The following ZAN variants were observed in gnomAD, a reference collection of about 807,000 sequenced individuals.
ZAN encodes zonadhesin (gene/pseudogene).
A neutral mutation model predicts 286.2 loss-of-function variants in ZAN; 260 were observed. That is an observed-to-expected ratio of 0.91 (90% confidence interval 0.82 to 1.01). The LOEUF is 1.01. Ranked by LOEUF, ZAN falls within the 50% of genes least tolerant of loss-of-function variation. The pLI is 0.00. For synonymous variants in ZAN, 1,368 were observed against 1,417.5 expected, an observed-to-expected ratio of 0.97 and a Z score of 0.79; for missense variants, 3,410 against 3,639.2, an observed-to-expected ratio of 0.94 and a Z score of 1.62.
chr7:100,768,094 G>T, intron 26 of ZAN, 83 bp downstream of exon 26: 3 of 1,478,370 alleles, frequency 2.0e-6, no homozygotes, highest in Non-Finnish European at 2.7e-6. Context: ...ACATCTCTGT[G>T]AGGTGTTCTA....
At position 100,797,740 on chromosome 7, in the gene ZAN, A is replaced by T. The variant is rs753075376; in HGVS notation, c.*8A>T. The T allele has an allele frequency of 1.9e-6, 3 of 1,613,862 alleles. No homozygotes were observed. The highest frequency in any genetic ancestry group is 2.5e-6 in the Non-Finnish European group (3 of 1,179,886). On this transcript the variant is annotated 3_prime_UTR_variant, in exon 48 of 48. Coordinates refer to ENST00000613979, the MANE Select transcript of ZAN (RefSeq NM_003386.3). The stretch of plus-strand genomic sequence containing the variant: ...CTGGACTGTGCCTGTTAAGTTGCTC[A>T]GTTTTGAGCTGTCTTCAGACAAGAA...
At chr7:100,767,666 A>C (rs1810086685) in intron 25 of ZAN, among the ~76,000 whole-genome samples, 165 bp from the exon 26 acceptor site, 1 of 150,008 alleles carries the variant, frequency 6.7e-6, no homozygotes, top group Non-Finnish European at 1.5e-5. Context: ...TTTTGTAGAG[A>C]CGGGCTTTCT....
At position 100,773,371 on chromosome 7, in the gene ZAN, T is replaced by C. The variant is rs974623507; in HGVS notation, c.5512T>C (p.Cys1838Arg). 3 of 1,613,892 alleles carry C rather than the reference T, an allele frequency of 1.9e-6. No individual in the cohort carries two copies. The African/African-American group carries it at 4.0e-5, about 22-fold the overall frequency. ...CAGCAGCATAAACAACCCGAGGGAC[T>C]GCCCCAAAGCACTGCCCTGTGCTGA... Reference protein sequence around the residue: ...TCSSINNPRDCPKALPCAESC... With the variant: ...TCSSINNPRDRPKALPCAESC... The change falls in exon 30 of 48, where the codon TGC (cysteine) becomes CGC (arginine). Residue 1838 changes from cysteine to arginine, a missense_variant. Cys to Arg is a radical substitution (Grantham distance 180, BLOSUM62 -3). Around this residue, in one of 7 missense-constraint regions of ZAN, gnomAD observed 1,289 missense variants for 1,314.3 expected, o/e 0.98. Transcript: ENST00000613979.
intron 45 of ZAN, among the ~76,000 whole-genome samples, chr7:100,796,613 G>T (rs551901584): frequency 6.6e-6 from 1 of 151,880 alleles, no homozygotes; most frequent in Non-Finnish European, 1.5e-5. Context: ...ATGGGGTTTC[G>T]CCATGTTGGC....
Position 100,748,382 on chromosome 7 carries a change from G to T in ZAN, c.1161G>T (p.Gln387His), listed in dbSNP as rs1235893562. The change falls in exon 11 of 48, where the codon CAG (glutamine) becomes CAT (histidine). Residue 387 changes from glutamine (Q) to histidine (H), a missense_variant. Gln to His is a conservative substitution (Grantham distance 24). Around this residue, in one of 7 missense-constraint regions of ZAN, gnomAD observed 872 missense variants for 938.9 expected, o/e 0.93. Coordinates refer to ENST00000613979, the MANE Select transcript of ZAN (RefSeq NM_003386.3). Reference protein sequence around the residue: ...DNAHPFCDWVQTSGDGGHWAL... With the variant: ...DNAHPFCDWVHTSGDGGHWAL... ...CCCATCCCTTCTGTGACTGGGTCCA[G>T]ACTTCCGGGGATGGTGGACACTGGG... The T allele has an allele frequency of 6.2e-7, 1 of 1,613,904 alleles. No individual in the cohort carries two copies. The highest frequency in any genetic ancestry group is 8.5e-7 in the Non-Finnish European group (1 of 1,179,914).
intron 42 of ZAN, 114 bp downstream of exon 42, chr7:100,792,593 C>T (rs770625598): frequency 2.6e-6 from 4 of 1,538,030 alleles, no homozygotes; most frequent in Non-Finnish European, 2.6e-6. Flanking sequence ...CTGCCGTCCA[C>T]CTCTGCTGAA....
chr7:100,761,740 C>T (rs947992622), intron 19 of ZAN, among the ~76,000 whole-genome samples: 9 of 151,916 alleles, frequency 5.9e-5, no homozygotes, highest in Non-Finnish European at 1.0e-4. Context: ...AGTTTGAGAC[C>T]AGCCTGGCCA....
intron 23 of ZAN, among the ~76,000 whole-genome samples, chr7:100,766,143 C>T (rs1420289885): frequency 3.3e-5 from 5 of 152,006 alleles, no homozygotes; most frequent in Admixed American, 6.6e-5. Context: ...TGCACTACCA[C>T]GCCAGGCTAA....
chr7:100,760,633 A>T, intron 19 of ZAN, 97 bp downstream of exon 19: 1 of 1,502,120 alleles, frequency 6.7e-7, no homozygotes, highest in Non-Finnish European at 9.0e-7. Flanking sequence ...CTCCCCTTCC[A>T]TCCCTGGCAC....
intron 40 of ZAN, among the ~76,000 whole-genome samples, 157 bp from the exon 41 acceptor site, chr7:100,791,809 T>C (rs1234820241): frequency 1.3e-5 from 2 of 151,502 alleles, no homozygotes; most frequent in East Asian, 3.9e-4. Context: ...CTCACTGCAG[T>C]TTCCACCTCC....
At chr7:100,787,190 AG>A (rs1237407357) in intron 37 of ZAN, among the ~76,000 whole-genome samples, 1 of 151,574 alleles carries the variant, frequency 6.6e-6, no homozygotes, top group African/African-American at 2.4e-5. Flanking sequence ...GGACTTTGGG[AG>A]GCCAAGGTGG....
intron 35 of ZAN, among the ~76,000 whole-genome samples, chr7:100,782,683 G>T (rs111737742): frequency 0.063 from 2,889 of 45,962 alleles, 52 homozygotes; most frequent in East Asian, 0.33. Flanking sequence ...GGTTTTTTTT[G>T]TGTGTGTGTG....
chr7:100,789,187 C>A (rs777825904), intron 38 of ZAN, 31 bp from the exon 39 acceptor site: 3 of 1,606,156 alleles, frequency 1.9e-6, no homozygotes, highest in African/African-American at 1.3e-5. Context: ...AGGATTCAGC[C>A]CTGTCTGTGG....
chr7:100,759,639 GCGGC>G, intron 17 of ZAN, 78 bp from the exon 18 acceptor site: 1 of 1,364,278 alleles, frequency 7.3e-7, no homozygotes, highest in Non-Finnish European at 9.5e-7. Flanking sequence ...ATCTCTCCCT[GCGGC>G]GCCAGGCTCA....
At position 100,797,796 on chromosome 7, in the gene ZAN, G is replaced by T; in HGVS notation, c.*64G>T. The T allele has an allele frequency of 6.4e-7, 1 of 1,566,156 alleles. No homozygotes were observed. The highest frequency in any genetic ancestry group is 1.2e-5 in the South Asian group (1 of 86,952). On this transcript the variant is annotated 3_prime_UTR_variant, in exon 48 of 48. Transcript: ENST00000613979. ...AATAAATTTATATATTTATTTATTTGAGACAGGGTCTTGCTCTGTCGCCAG... is the reference window on the plus strand; with the variant it reads ...AATAAATTTATATATTTATTTATTTTAGACAGGGTCTTGCTCTGTCGCCAG...
intron 20 of ZAN, among the ~76,000 whole-genome samples, chr7:100,762,940 G>A (rs1043838521): frequency 6.6e-6 from 1 of 151,358 alleles, no homozygotes; most frequent in African/African-American, 2.4e-5. Context: ...CACCAGATGG[G>A]GGGTTGACCA....
In ZAN at chr7:100,772,128, C is replaced by A. The variant is rs147867630; in HGVS notation, c.5425+108C>A. ...TTTTTTTTTGAGACGGAGTCTCACT[C>A]TGTTGCCCAGGCTGGAGTGCAGTGG... On this transcript the variant is annotated intron_variant, in intron 29 of 47. Coordinates refer to ENST00000613979, the MANE Select transcript of ZAN (RefSeq NM_003386.3). 1.9e-3 allele frequency: 2,494 copies of A among 1,326,876 alleles called. 48 individuals are homozygous for A. The African/African-American group carries it at 0.033, about 18-fold the overall frequency. The allele number at this position is 1,326,876 out of a possible 1,614,324, so 82.2% of individuals were successfully genotyped here.
chr7:100,789,351 A>G lies in ZAN; in HGVS notation c.7357+4A>G. ...TTTGGTGGAAGGAAAAATGCAGGTA[A>G]TGGAGAGAGGGGAAAGAAGAGCAAA... On this transcript the variant is annotated splice_donor_region_variant and intron_variant, in intron 39 of 47. Coordinates refer to ENST00000613979, the MANE Select transcript of ZAN (RefSeq NM_003386.3). 1 of 1,613,064 alleles carries G rather than the reference A, an allele frequency of 6.2e-7. No individual in the cohort carries two copies. Among genetic ancestry groups the G allele is most frequent in the Non-Finnish European group, 8.5e-7 (1 of 1,179,440 alleles).
At position 100,737,578 on chromosome 7, in the gene ZAN, C is replaced by T. The variant is rs966892314; in HGVS notation, c.613+229C>T. On this transcript the variant is annotated intron_variant, in intron 6 of 47. Coordinates refer to ENST00000613979, the MANE Select transcript of ZAN (RefSeq NM_003386.3). ...AAAATTAGCCGGGCGCGGTGGCGGG[C>T]GCCTGTAGTCCCAGCTACTTGGGAG... 1.7e-4 allele frequency among the ~76,000 whole-genome samples: 24 copies of T among 139,894 alleles called. 6 individuals are homozygous for T. The highest frequency in any genetic ancestry group is 1.1e-3 in the Admixed American group (16 of 14,052). 91.8% of individuals were successfully genotyped at this position (139,894 alleles called of 152,430 possible).
Sources: allele counts gnomAD v4.1 joint callset (sites outside exome capture counted in the v4.1 genomes callset), GRCh38; gene constraint gnomAD v4.1.1; regional missense constraint gnomAD v4.1.1; transcripts MANE v1.5; gene names NCBI Gene and HGNC (gene_info 2026-07-23, HGNC 2026-07-21).